The following AMBRA1 variants were observed in gnomAD, a reference collection of about 807,000 sequenced individuals.
AMBRA1 encodes activating molecule in BECN1-regulated autophagy protein 1.
AMBRA1 carries 47 observed loss-of-function variants against 125.4 expected under a neutral mutation model. The observed-to-expected ratio is 0.37, with a 90% confidence interval of 0.30 to 0.48. The LOEUF (loss-of-function observed/expected upper bound fraction) is 0.48. Ranked by LOEUF, AMBRA1 falls within the 20% of genes least tolerant of loss-of-function variation. AMBRA1 has a pLI of 0.99. For missense variants in AMBRA1, 1,331 were observed against 1,693.4 expected (o/e 0.79, Z 3.76); for synonymous variants, 626 against 655.5 (o/e 0.95, Z 0.69).
intron 8 of AMBRA1, among the ~76,000 whole-genome samples, chr11:46,511,041 A>G (rs1025248202): frequency 2.6e-5 from 4 of 152,228 alleles, no homozygotes; most frequent in African/African-American, 9.6e-5. Flanking sequence ...GAAGTATGAC[A>G]CTTTCCGTGA....
intron 1 of AMBRA1, among the ~76,000 whole-genome samples, chr11:46,584,538 GA>G (rs537200498): frequency 2.7e-5 from 4 of 147,858 alleles, no homozygotes; most frequent in Non-Finnish European, 6.0e-5. Flanking sequence ...ATAATAAAAA[GA>G]AAAAAAACAA....
intron 7 of AMBRA1, among the ~76,000 whole-genome samples, chr11:46,514,142 A>G (rs1951380702): frequency 1.3e-5 from 2 of 152,224 alleles, no homozygotes; most frequent in South Asian, 2.1e-4. Context: ...TCTTTAAAGC[A>G]GACCTGCAGG....
intron 7 of AMBRA1, among the ~76,000 whole-genome samples, chr11:46,525,914 AAAAG>A (rs1951949223): frequency 6.6e-6 from 1 of 151,912 alleles, no homozygotes. Flanking sequence ...TCTGTCTCAA[AAAAG>A]AAATAGGCTA....
intron 11 of AMBRA1, among the ~76,000 whole-genome samples, chr11:46,485,015 G>A (rs1407287960): frequency 2.0e-5 from 3 of 150,746 alleles, no homozygotes; most frequent in Non-Finnish European, 4.4e-5. Flanking sequence ...TCAGCTCACT[G>A]CAACCTTTGC....
chr11:46,538,290 A>G (rs1202591277), intron 7 of AMBRA1, among the ~76,000 whole-genome samples: 1 of 152,212 alleles, frequency 6.6e-6, no homozygotes, highest in Non-Finnish European at 1.5e-5. Context: ...TTAATATACT[A>G]TCTTACAATG....
intron 9 of AMBRA1, among the ~76,000 whole-genome samples, chr11:46,503,890 G>GA (rs1350039837): frequency 5.3e-5 from 8 of 152,150 alleles, no homozygotes; most frequent in Middle Eastern, 3.2e-3. Flanking sequence ...TACATATGGG[G>GA]ATCTCACTAT....
At chr11:46,581,573 T>C (rs2044171527) in intron 1 of AMBRA1, among the ~76,000 whole-genome samples, 1 of 151,930 alleles carries the variant, frequency 6.6e-6, no homozygotes, top group African/African-American at 2.4e-5. Context: ...ACCACTGCAC[T>C]CCTGCCTGGG....
intron 3 of AMBRA1, among the ~76,000 whole-genome samples, chr11:46,547,588 T>G (rs531674634): frequency 3.3e-5 from 5 of 152,230 alleles, no homozygotes; most frequent in African/African-American, 1.2e-4. Context: ...ATGATTGTTA[T>G]TGAGAAACTT....
At chr11:46,514,150 A>C (rs1951381314) in intron 7 of AMBRA1, among the ~76,000 whole-genome samples, 1 of 152,230 alleles carries the variant, frequency 6.6e-6, no homozygotes, top group Non-Finnish European at 1.5e-5. Context: ...GCAGACCTGC[A>C]GGATAAGGAC....
At position 46,542,502 on chromosome 11, in the gene AMBRA1, G is replaced by C. The variant is rs751100001; in HGVS notation, c.1515C>G (p.Arg505=). The change falls in exon 7 of 18, where the codon CGC becomes CGG. Residue 505 remains arginine (R), a synonymous_variant. Coordinates refer to ENST00000683756, the MANE Select transcript of AMBRA1 (RefSeq NM_001387011.1). This position sits in a 1 kb window ranked among gnomAD's most constrained non-coding sequence, Gnocchi z 5.9. ...IRHELQCDLR[R]FFLEYDRLQE... ...GAAGCCGGTCATACTCCAGAAAGAA[G>C]CGTCTCAGGTCACACTGAAGCTCAT... The C allele has an allele frequency of 2.5e-6, 4 of 1,613,432 alleles. No homozygotes were observed. The highest frequency in any genetic ancestry group is 3.4e-6 in the Non-Finnish European group (4 of 1,180,034).
intron 11 of AMBRA1, among the ~76,000 whole-genome samples, chr11:46,454,642 T>G (rs1948770643): frequency 6.7e-6 from 1 of 150,252 alleles, no homozygotes; most frequent in Admixed American, 6.6e-5. Context: ...TCCCAGCTAC[T>G]TGGGAGGCTG....
chr11:46,448,081 T>C (rs968980510), intron 11 of AMBRA1, among the ~76,000 whole-genome samples: 3 of 152,164 alleles, frequency 2.0e-5, no homozygotes, highest in African/African-American at 7.2e-5. Context: ...CTGGCCCAAA[T>C]AGTGTGCCAG....
At chr11:46,406,753 G>C (rs1446496583) in intron 17 of AMBRA1, among the ~76,000 whole-genome samples, 1 of 151,338 alleles carries the variant, frequency 6.6e-6, no homozygotes, top group Non-Finnish European at 1.5e-5. Flanking sequence ...GTGGTGGCAG[G>C]AGCCTGTAAT....
intron 8 of AMBRA1, among the ~76,000 whole-genome samples, chr11:46,509,672 A>C (rs1196562155): frequency 6.6e-6 from 1 of 152,170 alleles, no homozygotes. Context: ...ATAAAATCTT[A>C]AGTGGGAGAA....
intron 1 of AMBRA1, among the ~76,000 whole-genome samples, chr11:46,560,918 T>C (rs2043312825): frequency 6.6e-6 from 1 of 152,256 alleles, no homozygotes; most frequent in South Asian, 2.1e-4. Context: ...TTGGCAACAA[T>C]ATACCTTTCA....
intron 9 of AMBRA1, among the ~76,000 whole-genome samples, chr11:46,506,522 T>C (rs1286331159): frequency 6.6e-6 from 1 of 152,140 alleles, no homozygotes; most frequent in African/African-American, 2.4e-5. Context: ...CAAGATGACT[T>C]GTGAGGAACT....
chr11:46,517,344 C>T (rs1048412455), intron 7 of AMBRA1, among the ~76,000 whole-genome samples: 2 of 150,934 alleles, frequency 1.3e-5, no homozygotes, highest in Admixed American at 6.6e-5. Context: ...AACAGGGTTG[C>T]ACCATGTTGG....
intron 11 of AMBRA1, among the ~76,000 whole-genome samples, chr11:46,463,993 AG>A (rs1282569715): frequency 5.9e-5 from 9 of 152,214 alleles, no homozygotes; most frequent in African/African-American, 1.9e-4. Flanking sequence ...AAGGAGAGAT[AG>A]GGAGCTTTTC....
intron 11 of AMBRA1, among the ~76,000 whole-genome samples, chr11:46,461,105 C>T (rs755560363): frequency 6.6e-6 from 1 of 151,980 alleles, no homozygotes; most frequent in East Asian, 1.9e-4. Context: ...TAGCCAAGCA[C>T]GATGGTACAC....
Sources: allele counts gnomAD v4.1 joint callset (sites outside exome capture counted in the v4.1 genomes callset), GRCh38; gene constraint gnomAD v4.1.1; non-coding constraint Gnocchi (gnomAD v3.1); transcripts MANE v1.5; gene names NCBI Gene and HGNC (gene_info 2026-07-23, HGNC 2026-07-21).